The following CCDC62 variants were observed in gnomAD, a reference collection of about 807,000 sequenced individuals.
The protein encoded by CCDC62 is coiled-coil domain containing 62.
Under a neutral mutation model 80.8 loss-of-function variants are expected in CCDC62, and 72 were observed. The observed-to-expected ratio is 0.89, with a 90% CI of 0.74 to 1.08. The LOEUF (loss-of-function observed/expected upper bound fraction) is 1.08. Among genes scored for constraint, CCDC62 ranks in the 50% least tolerant of loss-of-function variants. The pLI is 0.00. For missense variants in CCDC62, 704 were observed against 809.4 expected, an observed-to-expected ratio of 0.87 and a Z score of 1.58; for synonymous variants, 286 against 296.5, an observed-to-expected ratio of 0.96 and a Z score of 0.36.
At chr12:122,786,342 G>T (rs912463071) in intron 4 of CCDC62, among the ~76,000 whole-genome samples, 1 of 151,962 alleles carries the variant, frequency 6.6e-6, no homozygotes, top group Admixed American at 6.6e-5. Context: ...TAGAGACGGG[G>T]TTTCACCGTG....
chr12:122,826,456 C>T lies in CCDC62; in HGVS notation c.*75C>T. 3 of 779,386 alleles carry T rather than the reference C, an allele frequency of 3.8e-6. No homozygotes were observed. Among genetic ancestry groups the T allele is most frequent in the East Asian group, 4.9e-5 (2 of 41,174 alleles). 48.3% of individuals were successfully genotyped at this position (779,386 alleles called of 1,614,324 possible). On this transcript the variant is annotated 3_prime_UTR_variant, in exon 13 of 13. Coordinates refer to ENST00000253079, the MANE Select transcript of CCDC62 (RefSeq NM_201435.5). ...CTATGTGGAAGGCAGAAAGCAGACA[C>T]CAATACTGAATGAATACTTAACCGT...
intron 11 of CCDC62, 115 bp downstream of exon 11, chr12:122,813,534 T>C: frequency 1.1e-6 from 1 of 935,342 alleles, no homozygotes; most frequent in African/African-American, 1.7e-5. Context: ...AGTTTCTGTG[T>C]CTCTAGGGAG....
In CCDC62 at chr12:122,774,624, G is replaced by A. The variant is rs1349418635; in HGVS notation, c.-47G>A. 1.6e-6 allele frequency: 2 copies of A among 1,234,562 alleles called. No individual in the cohort carries two copies. Among genetic ancestry groups the A allele is most frequent in the Non-Finnish European group, 2.0e-6 (2 of 977,812 alleles). 76.5% of individuals were successfully genotyped at this position (1,234,562 alleles called of 1,614,324 possible). ...GCAGGCGCGCCGATGGCGTTTCTGA[G>A]GTGACGCCGCCCACACCGGGCTTCT... is the stretch of plus-strand genomic sequence containing the variant. On this transcript the variant is annotated 5_prime_UTR_variant, in exon 1 of 13. Coordinates refer to ENST00000253079, the MANE Select transcript of CCDC62 (RefSeq NM_201435.5).
chr12:122,780,693 G>A (rs181656399), intron 2 of CCDC62, among the ~76,000 whole-genome samples: 23 of 151,778 alleles, frequency 1.5e-4, no homozygotes, highest in Admixed American at 5.3e-4. Flanking sequence ...AAGCTTTGGC[G>A]TAATCATTCA....
intron 5 of CCDC62, among the ~76,000 whole-genome samples, chr12:122,790,594 T>A (rs960119723): frequency 6.6e-6 from 1 of 151,872 alleles, no homozygotes. Flanking sequence ...GAGGTGGAGG[T>A]TGCAGTGAGC....
At chr12:122,825,914 A>G (rs1593846458) in intron 12 of CCDC62, among the ~76,000 whole-genome samples, 1 of 142,424 alleles carries the variant, frequency 7.0e-6, no homozygotes, top group African/African-American at 2.6e-5. Context: ...AATGGCTTGA[A>G]CCCGGGAGGC....
chr12:122,795,073 T>C (rs1350106628), intron 6 of CCDC62, among the ~76,000 whole-genome samples: 1 of 152,078 alleles, frequency 6.6e-6, no homozygotes, highest in Non-Finnish European at 1.5e-5. Context: ...TTTTCGGAGA[T>C]GGAGTCTTGG....
At position 122,774,579 on chromosome 12, in the gene CCDC62, G is replaced by C. The variant is rs1428522615; in HGVS notation, c.-92G>C. 8.9e-6 allele frequency: 9 copies of C among 1,015,712 alleles called. No individual in the cohort carries two copies. In the Admixed American group the frequency reaches 4.0e-4, roughly 46 times the overall value. 62.9% of individuals were successfully genotyped at this position (1,015,712 alleles called of 1,614,324 possible). On this transcript the variant is annotated 5_prime_UTR_variant, in exon 1 of 13. Coordinates refer to ENST00000253079, the MANE Select transcript of CCDC62 (RefSeq NM_201435.5). ...AGGGCGCGGGGCCCCGGGGCTCCGGGCTCGCCCCCGCCGCTCGGGGCAGGC... is the reference window on the plus strand; with the variant it reads ...AGGGCGCGGGGCCCCGGGGCTCCGGCCTCGCCCCCGCCGCTCGGGGCAGGC...
At chr12:122,807,130 G>T (rs915692167) in intron 10 of CCDC62, among the ~76,000 whole-genome samples, 5 of 152,094 alleles carry the variant, frequency 3.3e-5, no homozygotes. Context: ...ACACTCTTGG[G>T]GGCCAAAGTG....
chr12:122,805,509 C>CT (rs34211739), intron 9 of CCDC62, among the ~76,000 whole-genome samples: 37,763 of 49,770 alleles, frequency 0.76, 15,369 homozygotes, highest in Middle Eastern at 0.87. Flanking sequence ...ACACCCAGCT[C>CT]TTTTTTTTTT....
At chr12:122,809,409 G>C (rs1249075042) in intron 10 of CCDC62, among the ~76,000 whole-genome samples, 1 of 152,154 alleles carries the variant, frequency 6.6e-6, no homozygotes, top group Non-Finnish European at 1.5e-5. Flanking sequence ...AGAATCACTT[G>C]AGCCCGGGAG....
intron 11 of CCDC62, among the ~76,000 whole-genome samples, chr12:122,816,975 A>G (rs1200302727): frequency 1.3e-5 from 2 of 152,192 alleles, no homozygotes; most frequent in African/African-American, 4.8e-5. Flanking sequence ...TTTGTTGACT[A>G]GAATTCATGG....
At chr12:122,786,449 G>A (rs1439266533) in intron 4 of CCDC62, among the ~76,000 whole-genome samples, 1 of 150,616 alleles carries the variant, frequency 6.6e-6, no homozygotes, top group Non-Finnish European at 1.5e-5. Flanking sequence ...CGCTCAGCCA[G>A]AGGTTTTTTT....
intron 11 of CCDC62, among the ~76,000 whole-genome samples, chr12:122,821,979 A>T (rs1357279154): frequency 6.6e-6 from 1 of 150,556 alleles, no homozygotes; most frequent in Non-Finnish European, 1.5e-5. Context: ...CTGTAATCCT[A>T]GCCCTTTGGG....
chr12:122,778,519 A>C (rs543908186), intron 2 of CCDC62, among the ~76,000 whole-genome samples: 3 of 152,288 alleles, frequency 2.0e-5, no homozygotes, highest in South Asian at 2.1e-4. Context: ...CTAGATCTGT[A>C]TAATAGAAAG....
At chr12:122,795,298 G>A (rs182682529) in intron 6 of CCDC62, among the ~76,000 whole-genome samples, 4 of 152,154 alleles carry the variant, frequency 2.6e-5, no homozygotes, top group Non-Finnish European at 4.4e-5. Flanking sequence ...CAATCCACCC[G>A]CCTCGGCCTC....
At chr12:122,783,518 G>A (rs1007166132) in intron 3 of CCDC62, among the ~76,000 whole-genome samples, 5 of 152,028 alleles carry the variant, frequency 3.3e-5, no homozygotes, top group Admixed American at 6.6e-5. Flanking sequence ...GAGCCACCGC[G>A]CCTGGCCCCA....
At chr12:122,777,366 T>C (rs576857312) in intron 1 of CCDC62, 125 bp from the exon 2 acceptor site, 1 of 735,054 alleles carries the variant, frequency 1.4e-6, no homozygotes, top group African/African-American at 1.8e-5. Context: ...TGCCATGTTA[T>C]TAAAACTTAA....
chr12:122,798,147 A>G lies in CCDC62; in HGVS notation c.924A>G (p.Glu308=), dbSNP rs758814294. 23 of 1,598,786 alleles carry G rather than the reference A, an allele frequency of 1.4e-5. No individual in the cohort carries two copies. The South Asian group carries it at 2.1e-4, about 15-fold the overall frequency. Residue 308 remains glutamate, a synonymous_variant, in exon 8 of 13, where the codon GAA becomes GAG. Transcript: ENST00000253079. ...FLNFNVENSQ[E]LIQMYDSKME... is the part of the protein sequence containing the mutation. ...ATTTCAATGTGGAAAATTCTCAGGA[A>G]TTAATACAGATGTATGACTCAAAGA...
Sources: gnomAD v4.1 joint callset for allele counts (sites outside exome capture counted in the v4.1 genomes callset) on GRCh38, gnomAD v4.1.1 for gene constraint, MANE v1.5 for transcripts, NCBI Gene and HGNC (gene_info 2026-07-23, HGNC 2026-07-21) for gene names.